SHISA9: variants seen among roughly 807,000 people sequenced by gnomAD.
SHISA9 encodes the protein shisa family member 9, also known as protein shisa-9.
Under a neutral mutation model 38.0 loss-of-function variants are expected in SHISA9, and 13 were observed. That is an observed-to-expected ratio of 0.34 (90% CI 0.22 to 0.54). SHISA9 has a LOEUF of 0.54. Among genes scored for constraint, SHISA9 ranks in the 20% least tolerant of loss-of-function variants. SHISA9 has a pLI of 0.91. For missense variants in SHISA9, 538 were observed against 575.8 expected (o/e 0.93, Z 0.67); for synonymous variants, 275 against 242.0 (o/e 1.14, Z -1.27).
chr16:13,130,811 T>C lies in SHISA9; in HGVS notation c.692-72583T>C, dbSNP rs1468733563. ...AATATGTAGAAGACTGGTTTGGCCA[T>C]GTTCCAACAAGACTTTATTTACATA... On this transcript the variant is annotated intron_variant, in intron 2 of 4. Transcript: ENST00000558583. Among the ~76,000 whole-genome samples the C allele has an allele frequency of 3.3e-5, 5 of 152,228 alleles. No individual in the cohort carries two copies. In the East Asian group the frequency reaches 9.6e-4, roughly 29 times the overall value.
At chr16:13,466,171 C>G in the SHISA9 span, among the ~76,000 whole-genome samples, 2 of 152,330 alleles carry the variant, frequency 1.3e-5, no homozygotes, top group South Asian at 4.1e-4. Flanking sequence ...AATGCTTCTA[C>G]TAGGAAACAC....
At chr16:13,471,540 C>G in the SHISA9 span, among the ~76,000 whole-genome samples, 5 of 152,100 alleles carry the variant, frequency 3.3e-5, no homozygotes, top group Non-Finnish European at 7.3e-5. Context: ...AAAGTCTCTG[C>G]ACAACTCTCC....
chr16:12,911,175 G>A, intron 1 of SHISA9: 1 of 838,926 alleles, frequency 1.2e-6, no homozygotes, highest in Non-Finnish European at 1.4e-6. Flanking sequence ...CTGGGAGCTT[G>A]GGCACGATCT....
chr16:12,964,707 C>A (rs2071955413), intron 2 of SHISA9, among the ~76,000 whole-genome samples: 1 of 152,116 alleles, frequency 6.6e-6, no homozygotes, highest in African/African-American at 2.4e-5. Flanking sequence ...AGCAGATCAA[C>A]ACAATTCAAG....
chr16:12,957,565 A>T (rs1395933847), intron 2 of SHISA9, among the ~76,000 whole-genome samples: 1 of 152,130 alleles, frequency 6.6e-6, no homozygotes, highest in Admixed American at 6.5e-5. Flanking sequence ...TCACACCTTT[A>T]TGACATCATC....
the SHISA9 span, among the ~76,000 whole-genome samples, chr16:13,463,786 C>G: frequency 3.0e-4 from 45 of 152,324 alleles, no homozygotes; most frequent in East Asian, 8.7e-3. Flanking sequence ...GAATTGATTC[C>G]CGTGTCACAT....
chr16:13,465,353 G>A, the SHISA9 span, among the ~76,000 whole-genome samples: 2 of 152,182 alleles, frequency 1.3e-5, no homozygotes, highest in Non-Finnish European at 2.9e-5. Context: ...GAAGTTGAAC[G>A]TGGGGCAGGT....
chr16:13,065,747 C>A (rs2073427065), intron 2 of SHISA9, among the ~76,000 whole-genome samples: 1 of 152,224 alleles, frequency 6.6e-6, no homozygotes, highest in South Asian at 2.1e-4. Flanking sequence ...TTTGAATTTT[C>A]CAAGAAAGGC....
At chr16:13,086,751 A>G (rs1232792756) in intron 2 of SHISA9, among the ~76,000 whole-genome samples, 1 of 152,232 alleles carries the variant, frequency 6.6e-6, no homozygotes, top group African/African-American at 2.4e-5. Context: ...GGATGGAAGC[A>G]GGAGAGAGAA....
chr16:12,936,400 G>C (rs547758643), intron 2 of SHISA9, among the ~76,000 whole-genome samples: 1 of 152,332 alleles, frequency 6.6e-6, no homozygotes, highest in African/African-American at 2.4e-5. Context: ...GGAGCACAGT[G>C]AGGCATAAGT....
the SHISA9 span, chr16:13,562,869 A>G: frequency 6.6e-6 from 1 of 152,108 alleles, no homozygotes; most frequent in Non-Finnish European, 1.5e-5. Flanking sequence ...GAAATGCACA[A>G]GAACTGAAAG....
At chr16:13,343,168 C>T in the SHISA9 span, among the ~76,000 whole-genome samples, 2 of 152,122 alleles carry the variant, frequency 1.3e-5, no homozygotes, top group East Asian at 3.8e-4. Flanking sequence ...ACCGCTTAGT[C>T]AATAGAGAAA....
chr16:13,381,871 T>A, the SHISA9 span, among the ~76,000 whole-genome samples: 1 of 152,186 alleles, frequency 6.6e-6, no homozygotes, highest in African/African-American at 2.4e-5. Context: ...TTAGAACTAA[T>A]TATGTGTATT....
At chr16:12,988,874 G>C (rs1434072876) in intron 2 of SHISA9, among the ~76,000 whole-genome samples, 1 of 152,144 alleles carries the variant, frequency 6.6e-6, no homozygotes, top group Non-Finnish European at 1.5e-5. Context: ...AGGAGTACTT[G>C]TTAATGAAAT....
the SHISA9 span, among the ~76,000 whole-genome samples, chr16:13,287,540 G>T: frequency 1.3e-5 from 2 of 152,160 alleles, no homozygotes. Flanking sequence ...AACATAATAT[G>T]ATTCAAAAGA....
chr16:13,191,290 C>A (rs546446108), intron 2 of SHISA9, among the ~76,000 whole-genome samples: 27 of 152,320 alleles, frequency 1.8e-4, no homozygotes, highest in Non-Finnish European at 3.8e-4. Context: ...ATCTCCTGCC[C>A]ATTCCCTGTC....
At chr16:13,511,742 A>G in the SHISA9 span, among the ~76,000 whole-genome samples, 1 of 152,128 alleles carries the variant, frequency 6.6e-6, no homozygotes, top group Admixed American at 6.6e-5. Flanking sequence ...AGAGACCAAG[A>G]TAACTGCAGT....
chr16:13,452,854 A>T, the SHISA9 span, among the ~76,000 whole-genome samples: 2 of 151,566 alleles, frequency 1.3e-5, no homozygotes, highest in African/African-American at 2.4e-5. Context: ...CCTCTTAAAG[A>T]ATATACTCTC....
At chr16:13,174,528 T>A (rs1363709537) in intron 2 of SHISA9, among the ~76,000 whole-genome samples, 1 of 152,130 alleles carries the variant, frequency 6.6e-6, no homozygotes, top group Non-Finnish European at 1.5e-5. Context: ...GAGACAGAAC[T>A]GGGGGCAGGG....
Sources: allele counts gnomAD v4.1 joint callset (sites outside exome capture counted in the v4.1 genomes callset), GRCh38; gene constraint gnomAD v4.1.1; transcripts MANE v1.5; gene names NCBI Gene and HGNC (gene_info 2026-07-23, HGNC 2026-07-21).